SMCHD1: variants seen among roughly 807,000 people sequenced by gnomAD.
SMCHD1 encodes the protein structural maintenance of chromosomes flexible hinge domain-containing protein 1.
In SMCHD1, 78 loss-of-function variants were observed where a neutral mutation model predicts 254.7. That is an observed-to-expected ratio of 0.31 (90% CI 0.26 to 0.37). The LOEUF is 0.37. Among genes scored for constraint, SMCHD1 ranks in the 10% least tolerant of loss-of-function variants. The pLI is 1.00. For missense variants in SMCHD1, 1,840 were observed against 2,408.1 expected (o/e 0.76, Z 4.94); for synonymous variants, 766 against 794.9 (o/e 0.96, Z 0.61).
At chr18:2,672,999 C>A (rs1490970788) in intron 3 of SMCHD1, 1 of 853,902 alleles carries the variant, frequency 1.2e-6, no homozygotes, top group Non-Finnish European at 1.4e-6. Context: ...CTCTTAATGT[C>A]TGTATGTCTG....
At chr18:2,662,165 C>CAAAA (rs748303423) in intron 1 of SMCHD1, among the ~76,000 whole-genome samples, 1 of 58,268 alleles carries the variant, frequency 1.7e-5, no homozygotes, top group Non-Finnish European at 3.7e-5. Context: ...GACTCCGTCT[C>CAAAA]AAAAAAAAAA....
intron 1 of SMCHD1, among the ~76,000 whole-genome samples, chr18:2,662,652 A>G (rs978484136): frequency 9.3e-5 from 14 of 150,302 alleles, no homozygotes; most frequent in Non-Finnish European, 1.8e-4. Flanking sequence ...CTCAACAACA[A>G]TAACAACAAA....
chr18:2,769,227 A>T (rs539152138), intron 37 of SMCHD1, among the ~76,000 whole-genome samples: 2 of 152,266 alleles, frequency 1.3e-5, no homozygotes, highest in South Asian at 4.1e-4. Context: ...TTGTTCTGTC[A>T]CCTGGGACTT....
intron 5 of SMCHD1, among the ~76,000 whole-genome samples, chr18:2,683,169 G>C (rs548659565): frequency 6.6e-6 from 1 of 151,854 alleles, no homozygotes; most frequent in South Asian, 2.1e-4. Context: ...ATATCAGAGA[G>C]TATTTTCAAC....
At chr18:2,714,264 A>G (rs1156347471) in intron 17 of SMCHD1, among the ~76,000 whole-genome samples, 1 of 152,072 alleles carries the variant, frequency 6.6e-6, no homozygotes, top group East Asian at 1.9e-4. Context: ...TTGTTGATTT[A>G]TAGTCTATTT....
intron 44 of SMCHD1, among the ~76,000 whole-genome samples, chr18:2,781,630 A>G (rs921885171): frequency 6.6e-5 from 10 of 152,230 alleles, no homozygotes; most frequent in African/African-American, 2.4e-4. Flanking sequence ...GTTGATTAAT[A>G]TAGTTCAAAA....
At position 2,742,867 on chromosome 18, in the gene SMCHD1, G is replaced by A. The variant is rs568272418; in HGVS notation, c.3634-894G>A. Among the ~76,000 whole-genome samples the A allele has an allele frequency of 6.6e-5, 10 of 152,126 alleles. No individual in the cohort carries two copies. The South Asian group carries it at 1.0e-3, about 16-fold the overall frequency. Reference sequence around the variant, plus strand: ...AATTTTAAAATTTTTTGTAGAGACGGGGTCTTACTGTGTTGCCCAGGCTGG... The same window carrying A: ...AATTTTAAAATTTTTTGTAGAGACGAGGTCTTACTGTGTTGCCCAGGCTGG... On this transcript the variant is annotated intron_variant, in intron 28 of 47. Coordinates refer to ENST00000320876, the MANE Select transcript of SMCHD1 (RefSeq NM_015295.3).
At chr18:2,795,091 G>C (rs1042112012) in intron 45 of SMCHD1, among the ~76,000 whole-genome samples, 1 of 150,864 alleles carries the variant, frequency 6.6e-6, no homozygotes, top group Non-Finnish European at 1.5e-5. Flanking sequence ...ACGGAGTCTC[G>C]CTCTGTCACC....
intron 34 of SMCHD1, among the ~76,000 whole-genome samples, chr18:2,753,925 A>G (rs1289868931): frequency 6.6e-6 from 1 of 152,126 alleles, no homozygotes; most frequent in Non-Finnish European, 1.5e-5. Flanking sequence ...GAGTGGCATC[A>G]CACTTACTCT....
intron 17 of SMCHD1, among the ~76,000 whole-genome samples, chr18:2,714,819 G>A (rs907850138): frequency 3.9e-5 from 6 of 152,026 alleles, no homozygotes; most frequent in Admixed American, 1.3e-4. Context: ...TGTTCTAGCA[G>A]GACACAAGAT....
At position 2,770,043 on chromosome 18, in the gene SMCHD1, C is replaced by T; in HGVS notation, c.4901C>T (p.Ser1634Phe). The change falls in exon 39 of 48, where the codon TCT becomes TTT. Residue 1634 changes from serine to phenylalanine, a missense_variant. This residue lies in a region of SMCHD1 where 881 missense variants were observed against 1,009.5 expected (regional missense o/e 0.87). Coordinates refer to ENST00000320876, the MANE Select transcript of SMCHD1 (RefSeq NM_015295.3). ...CTTACAAAAGAAAAGGACCAATTAT[C>T]TCAGTCTATTGTTATGTATAAAAGT... ...AALTKEKDQLSQSIVMYKSLF... is the reference protein window; with the variant it reads ...AALTKEKDQLFQSIVMYKSLF... 1.2e-6 allele frequency: 2 copies of T among 1,603,418 alleles called. No homozygotes were observed. The highest frequency in any genetic ancestry group is 8.5e-7 in the Non-Finnish European group (1 of 1,177,190).
chr18:2,673,478 T>TA (rs1170247869), intron 4 of SMCHD1, 115 bp downstream of exon 4: 1 of 784,378 alleles, frequency 1.3e-6, no homozygotes, highest in Admixed American at 3.5e-5. Context: ...AATTGTCAGA[T>TA]ATCTCTTCAT....
rs773454054 is a variant in SMCHD1 at position 2,770,006 on chromosome 18, C to A, written c.4864C>A (p.Gln1622Lys). ...MFYNDVKKQQQMAALTKEKDQ... is the reference protein window; with the variant it reads ...MFYNDVKKQQKMAALTKEKDQ... ...TTTCTTAGATGTTAAGAAGCAGCAA[C>A]AAATGGCAGCACTTACAAAAGAAAA... The change falls in exon 39 of 48, where the codon CAA becomes AAA. Residue 1622 changes from glutamine (Q) to lysine (K), a missense_variant. Coordinates refer to ENST00000320876, the MANE Select transcript of SMCHD1 (RefSeq NM_015295.3). 1 of 1,589,214 alleles carries A rather than the reference C, an allele frequency of 6.3e-7. No homozygotes were observed. The highest frequency in any genetic ancestry group is 2.2e-5 in the East Asian group (1 of 44,578).
intron 3 of SMCHD1, among the ~76,000 whole-genome samples, chr18:2,671,889 C>T (rs1409299695): frequency 4.6e-5 from 7 of 152,012 alleles, no homozygotes; most frequent in Non-Finnish European, 1.0e-4. Context: ...TGAGCCACCG[C>T]GCCTGGCCTT....
In SMCHD1 at chr18:2,740,782, G is replaced by A; in HGVS notation, c.3594G>A (p.Gly1198=). The A allele has an allele frequency of 6.2e-7, 1 of 1,610,462 alleles. No individual in the cohort carries two copies. Among genetic ancestry groups the A allele is most frequent in the Non-Finnish European group, 8.5e-7 (1 of 1,178,004 alleles). Residue 1198 remains glycine (G), a synonymous_variant, in exon 28 of 48, where the codon GGG becomes GGA. Coordinates refer to ENST00000320876, the MANE Select transcript of SMCHD1 (RefSeq NM_015295.3). ...PSSLSSLSIA[G]VGLDSSNLKT... ...CTTTATCTTCTTTGTCAATTGCTGGGGTTGGACTTGATAGCTCAAATTTGA... is the reference window on the plus strand; with the variant it reads ...CTTTATCTTCTTTGTCAATTGCTGGAGTTGGACTTGATAGCTCAAATTTGA...
In SMCHD1 at chr18:2,802,529, A is replaced by T. The variant is rs1366758478; in HGVS notation, c.5995A>T (p.Ile1999Phe). Residue 1999 changes from isoleucine (I) to phenylalanine (F), a missense_variant and splice_region_variant, in exon 48 of 48, where the codon ATT becomes TTT. Transcript: ENST00000320876. ...MRREATRQNR[I>F]ITKTDV is the part of the protein sequence containing the mutation. ...TTTTTTTCTTTCCCCTTTGACCAGGATTATAACCAAAACAGATGTATGAGA... is the reference window on the plus strand; with the variant it reads ...TTTTTTTCTTTCCCCTTTGACCAGGTTTATAACCAAAACAGATGTATGAGA... The T allele has an allele frequency of 1.9e-6, 3 of 1,553,564 alleles. No individual in the cohort carries two copies. In the South Asian group the frequency reaches 3.6e-5, roughly 19 times the overall value.
intron 17 of SMCHD1, among the ~76,000 whole-genome samples, chr18:2,714,738 G>C (rs1006202528): frequency 2.0e-5 from 3 of 151,886 alleles, no homozygotes; most frequent in African/African-American, 7.3e-5. Flanking sequence ...TGTAGATCTG[G>C]TTTAGGGGTA....
intron 5 of SMCHD1, among the ~76,000 whole-genome samples, chr18:2,680,053 A>G (rs889214828): frequency 5.3e-5 from 8 of 151,980 alleles, no homozygotes; most frequent in African/African-American, 1.9e-4. Flanking sequence ...TCTTTTTTAT[A>G]ATTTCTATCC....
chr18:2,662,137 G>C (rs545210175), intron 1 of SMCHD1, among the ~76,000 whole-genome samples: 138 of 136,278 alleles, frequency 1.0e-3, no homozygotes, highest in Non-Finnish European at 1.8e-3. Flanking sequence ...CCGCAGTCCG[G>C]CCTGGGCGAC....
Sources: allele counts gnomAD v4.1 joint callset (sites outside exome capture counted in the v4.1 genomes callset), GRCh38; gene constraint gnomAD v4.1.1; regional missense constraint gnomAD v4.1.1; transcripts MANE v1.5; gene names NCBI Gene and HGNC (gene_info 2026-07-23, HGNC 2026-07-21).